Variants in STXBP3 observed in about 807,000 individuals in gnomAD.
STXBP3 encodes syntaxin binding protein 3.
Under a neutral mutation model 85.7 loss-of-function variants are expected in STXBP3, and 41 were observed. That is an observed-to-expected ratio of 0.48 (90% CI 0.37 to 0.62). The LOEUF is 0.62. Among genes scored for constraint, STXBP3 ranks in the 20% least tolerant of loss-of-function variants. The pLI, the probability that STXBP3 is intolerant of heterozygous loss-of-function variation, is 0.00. For missense variants in STXBP3, 563 were observed against 703.1 expected, an observed-to-expected ratio of 0.80 and a Z score of 2.25; for synonymous variants, 229 against 231.7, an observed-to-expected ratio of 0.99 and a Z score of 0.10.
At chr1:108,801,048 T>C (rs1663223649) in intron 17 of STXBP3, among the ~76,000 whole-genome samples, 2 of 152,244 alleles carry the variant, frequency 1.3e-5, no homozygotes, top group Non-Finnish European at 2.9e-5. Flanking sequence ...GGGTTTGACA[T>C]TGTCCTGTGA....
At chr1:108,753,040 T>G (rs908580916) in intron 2 of STXBP3, 23 bp from the exon 3 acceptor site, 1 of 1,522,038 alleles carries the variant, frequency 6.6e-7, no homozygotes, top group African/African-American at 1.4e-5. Flanking sequence ...TTACAGTATT[T>G]TTAAATTTGT....
At chr1:108,756,455 T>A (rs992474552) in intron 3 of STXBP3, among the ~76,000 whole-genome samples, 2 of 152,132 alleles carry the variant, frequency 1.3e-5, no homozygotes, top group African/African-American at 4.8e-5. Context: ...AATGAATAAT[T>A]TCTTACATTA....
intron 7 of STXBP3, among the ~76,000 whole-genome samples, chr1:108,774,365 C>T (rs1034957244): frequency 7.2e-5 from 11 of 152,086 alleles, no homozygotes; most frequent in African/African-American, 2.7e-4. Flanking sequence ...TTGCACTACT[C>T]GTAATAAGTA....
At chr1:108,757,055 T>C (rs1043925823) in intron 4 of STXBP3, 3 of 208,416 alleles carry the variant, frequency 1.4e-5, no homozygotes, top group Non-Finnish European at 2.9e-5. Flanking sequence ...TATTGAACTA[T>C]ACCTTTTGGG....
intron 17 of STXBP3, among the ~76,000 whole-genome samples, chr1:108,804,854 G>A (rs956801225): frequency 7.9e-5 from 12 of 152,154 alleles, no homozygotes; most frequent in African/African-American, 2.7e-4. Flanking sequence ...ACAGTACCCA[G>A]GGCTCGGCCC....
intron 6 of STXBP3, among the ~76,000 whole-genome samples, chr1:108,761,024 C>A (rs976459364): frequency 6.6e-6 from 1 of 152,138 alleles, no homozygotes; most frequent in African/African-American, 2.4e-5. Flanking sequence ...CTGCCTCAGC[C>A]TCCCAAGTAG....
intron 17 of STXBP3, among the ~76,000 whole-genome samples, chr1:108,804,934 T>G (rs1275742742): frequency 6.6e-6 from 1 of 152,242 alleles, no homozygotes; most frequent in Non-Finnish European, 1.5e-5. Flanking sequence ...CATTCTAGTA[T>G]TTAGCTTCCT....
At position 108,771,645 on chromosome 1, in the gene STXBP3, GATAT is replaced by G. The variant is rs1168845450; in HGVS notation, c.439-1015_439-1012del. On this transcript the variant is annotated intron_variant, in intron 6 of 18. Transcript: ENST00000370008. ...CTATATATCATATATAAATATATAT[GATAT>G]ATATCTATATATATCATATATAAAT... Among the ~76,000 whole-genome samples the G allele has an allele frequency of 2.1e-3, 43 of 20,786 alleles. 4 individuals carry two copies. Among genetic ancestry groups the G allele is most frequent in the African/African-American group, 8.3e-3 (41 of 4,964 alleles). The allele number at this position is 20,786 out of a possible 152,430, so 13.6% of individuals were successfully genotyped here.
intron 9 of STXBP3, chr1:108,781,226 A>G (rs1004240495): frequency 2.0e-5 from 3 of 152,196 alleles, no homozygotes; most frequent in African/African-American, 4.8e-5. Context: ...GTCATCTGTA[A>G]TCCACACAGG....
chr1:108,768,640 C>T (rs142329675), intron 6 of STXBP3, among the ~76,000 whole-genome samples: 2 of 152,062 alleles, frequency 1.3e-5, no homozygotes, highest in African/African-American at 4.8e-5. Flanking sequence ...CTGGTTCTAC[C>T]AAAAATAATG....
At position 108,746,745 on chromosome 1, in the gene STXBP3, C is replaced by T. The variant is rs1570742475; in HGVS notation, c.8C>T (p.Pro3Leu). Reference protein sequence around the residue: MAPPVAERGLKSV... With the variant: MALPVAERGLKSV... ...CTCCGCAGTGTCGGGAAGATGGCGC[C>T]GCCGGTGGCAGAGAGGGGGCTAAAG... is the stretch of plus-strand genomic sequence containing the variant. Residue 3 changes from proline to leucine, a missense_variant, in exon 1 of 19, where the codon CCG becomes CTG. Pro to Leu is a moderately conservative substitution (Grantham distance 98). Around this residue, in one of 3 missense-constraint regions of STXBP3, gnomAD observed 37 missense variants for 39.7 expected, o/e 0.93. Transcript: ENST00000370008. The T allele has an allele frequency of 6.5e-7, 1 of 1,549,724 alleles. No individual in the cohort carries two copies. Among genetic ancestry groups the T allele is most frequent in the East Asian group, 2.5e-5 (1 of 40,710 alleles).
At chr1:108,765,611 A>T (rs1008677694) in intron 6 of STXBP3, among the ~76,000 whole-genome samples, 1 of 118,870 alleles carries the variant, frequency 8.4e-6, no homozygotes, top group South Asian at 2.5e-4. Flanking sequence ...GTCTCATTCC[A>T]TCATCCAGGC....
At chr1:108,765,822 C>T (rs143945539) in intron 6 of STXBP3, among the ~76,000 whole-genome samples, 2 of 147,160 alleles carry the variant, frequency 1.4e-5, no homozygotes, top group Admixed American at 6.9e-5. Flanking sequence ...GCTGGGATTA[C>T]AGGTGTGAGC....
At chr1:108,781,868 C>T (rs1418994825) in intron 9 of STXBP3, 1 of 152,240 alleles carries the variant, frequency 6.6e-6, no homozygotes, top group African/African-American at 2.4e-5. Context: ...GTCACCACAC[C>T]CTGCTAAGTT....
chr1:108,752,460 A>G (rs1661925079), intron 2 of STXBP3, among the ~76,000 whole-genome samples, 154 bp downstream of exon 2: 1 of 152,216 alleles, frequency 6.6e-6, no homozygotes, highest in African/African-American at 2.4e-5. Flanking sequence ...TGTAGGTTAC[A>G]TGCAAACACT....
chr1:108,748,241 G>A (rs1292967944), intron 1 of STXBP3, among the ~76,000 whole-genome samples: 1 of 152,074 alleles, frequency 6.6e-6, no homozygotes, highest in Admixed American at 6.6e-5. Context: ...GAAAAGAAAA[G>A]AAAAAATTAT....
At chr1:108,766,028 A>G (rs1274268232) in intron 6 of STXBP3, among the ~76,000 whole-genome samples, 1 of 151,192 alleles carries the variant, frequency 6.6e-6, no homozygotes, top group African/African-American at 2.4e-5. Flanking sequence ...GATTTTTTGT[A>G]TTTTTAGTAG....
chr1:108,768,076 G>T (rs528858061), intron 6 of STXBP3, among the ~76,000 whole-genome samples: 2 of 152,192 alleles, frequency 1.3e-5, no homozygotes, highest in South Asian at 4.1e-4. Flanking sequence ...GAAAAGGGGA[G>T]GATGTTTGTT....
intron 18 of STXBP3, 142 bp downstream of exon 18, chr1:108,807,691 C>G: frequency 1.2e-6 from 1 of 806,054 alleles, no homozygotes; most frequent in Middle Eastern, 3.8e-4. Context: ...ATTCTTCTGC[C>G]TCAGCCTCCT....
Sources: gnomAD v4.1 joint callset for allele counts (sites outside exome capture counted in the v4.1 genomes callset) on GRCh38, gnomAD v4.1.1 for gene constraint, gnomAD v4.1.1 regional missense constraint, MANE v1.5 for transcripts, NCBI Gene and HGNC (gene_info 2026-07-23, HGNC 2026-07-21) for gene names.